The following ADORA2B variants were observed in gnomAD, a reference collection of about 807,000 sequenced individuals.
ADORA2B encodes the protein adenosine receptor A2b.
A neutral mutation model predicts 20.8 loss-of-function variants in ADORA2B; 18 were observed. The ratio of observed to expected loss-of-function variants is 0.87; its 90% CI spans 0.60 to 1.29. ADORA2B has a LOEUF of 1.29. Among genes scored for constraint, ADORA2B ranks in the 50% most tolerant of loss-of-function variants. The pLI is 0.00. For missense variants in ADORA2B, 441 were observed against 422.7 expected, an observed-to-expected ratio of 1.04 and a Z score of -0.38; for synonymous variants, 179 against 178.3, an observed-to-expected ratio of 1.00 and a Z score of -0.03.
At chr17:15,888,858 T>A in the ADORA2B span, among the ~76,000 whole-genome samples, 30 of 46,610 alleles carry the variant, frequency 6.4e-4, no homozygotes, top group South Asian at 2.1e-3. Context: ...ATATTTTTTT[T>A]TTTTTTTTTT....
chr17:15,906,591 A>G, the ADORA2B span, among the ~76,000 whole-genome samples: 1 of 152,292 alleles, frequency 6.6e-6, no homozygotes, highest in Non-Finnish European at 1.5e-5. Flanking sequence ...TAGTTTTGGT[A>G]TTAGGGTAAT....
the ADORA2B span, among the ~76,000 whole-genome samples, chr17:15,871,632 T>G: frequency 6.6e-6 from 1 of 152,086 alleles, no homozygotes; most frequent in African/African-American, 2.4e-5. Context: ...GTCTGGAATG[T>G]GGTATATGCT....
chr17:15,914,382 TTTGTAG>T, the ADORA2B span, among the ~76,000 whole-genome samples: 1 of 152,136 alleles, frequency 6.6e-6, no homozygotes, highest in African/African-American at 2.4e-5. Flanking sequence ...ATTTTTACTT[TTTGTAG>T]AGAGAGGGCT....
chr17:15,884,388 T>C, the ADORA2B span, among the ~76,000 whole-genome samples: 6 of 134,254 alleles, frequency 4.5e-5, no homozygotes, highest in Non-Finnish European at 1.6e-5. Flanking sequence ...AATTTTAAAA[T>C]TTATTAAATT....
chr17:15,951,780 G>C (rs1419449810), intron 1 of ADORA2B, among the ~76,000 whole-genome samples: 1 of 152,240 alleles, frequency 6.6e-6, no homozygotes, highest in African/African-American at 2.4e-5. Context: ...GGGAACTGGA[G>C]GGCAGGGGAG....
the ADORA2B span, among the ~76,000 whole-genome samples, chr17:15,859,053 G>A: frequency 6.6e-6 from 1 of 152,052 alleles, no homozygotes; most frequent in Non-Finnish European, 1.5e-5. Flanking sequence ...TGAACTCCTG[G>A]CCTCAAGCAG....
At chr17:15,878,888 A>G in the ADORA2B span, among the ~76,000 whole-genome samples, 3 of 152,072 alleles carry the variant, frequency 2.0e-5, no homozygotes, top group Admixed American at 1.3e-4. Flanking sequence ...GCATAAATAG[A>G]TTTTCTAGTA....
chr17:15,955,388 CTTTTTTTGT>C (rs903530843), intron 1 of ADORA2B, among the ~76,000 whole-genome samples: 8 of 150,810 alleles, frequency 5.3e-5, no homozygotes, highest in Admixed American at 1.3e-4. Flanking sequence ...CTCTGGGATT[CTTTTTTTGT>C]TTTTTTTGTT....
intron 1 of ADORA2B, among the ~76,000 whole-genome samples, chr17:15,948,097 T>C (rs1367055584): frequency 6.6e-6 from 1 of 151,166 alleles, no homozygotes; most frequent in Admixed American, 6.6e-5. Flanking sequence ...GTGCAGGGAG[T>C]GAGGGCTAAA....
intron 1 of ADORA2B, among the ~76,000 whole-genome samples, chr17:15,965,008 C>T (rs930583864): frequency 2.6e-5 from 4 of 152,192 alleles, no homozygotes; most frequent in South Asian, 2.1e-4. Flanking sequence ...TGCAGTGAGC[C>T]GAGATCGTGC....
chr17:15,971,847 G>A (rs960588288), intron 1 of ADORA2B, among the ~76,000 whole-genome samples: 1 of 152,020 alleles, frequency 6.6e-6, no homozygotes, highest in African/African-American at 2.4e-5. Flanking sequence ...TGGCCAGGCT[G>A]GTCTCAAATG....
At chr17:15,882,062 AT>A in the ADORA2B span, among the ~76,000 whole-genome samples, 1 of 152,202 alleles carries the variant, frequency 6.6e-6, no homozygotes, top group Admixed American at 6.5e-5. Context: ...ATACGGGAAG[AT>A]TAGGTCCTTC....
At chr17:15,949,176 C>A (rs1216314276) in intron 1 of ADORA2B, among the ~76,000 whole-genome samples, 1 of 149,014 alleles carries the variant, frequency 6.7e-6, no homozygotes, top group Non-Finnish European at 1.5e-5. Context: ...CCATTGCACT[C>A]CACCTTGGGC....
At chr17:15,865,679 C>T in the ADORA2B span, among the ~76,000 whole-genome samples, 2 of 151,798 alleles carry the variant, frequency 1.3e-5, no homozygotes, top group African/African-American at 2.4e-5. Context: ...CCATCATAAC[C>T]CCTCACTACT....
chr17:15,914,726 A>G, the ADORA2B span, among the ~76,000 whole-genome samples: 1 of 152,232 alleles, frequency 6.6e-6, no homozygotes, highest in African/African-American at 2.4e-5. Context: ...CTGCAAGCTA[A>G]CTGTTTCATC....
the ADORA2B span, among the ~76,000 whole-genome samples, chr17:15,917,118 G>C: frequency 1.3e-5 from 2 of 152,174 alleles, no homozygotes; most frequent in Admixed American, 1.3e-4. Context: ...GACCAGCCTG[G>C]GCAACAAAAA....
the ADORA2B span, among the ~76,000 whole-genome samples, chr17:15,863,603 C>T: frequency 2.0e-5 from 3 of 152,260 alleles, no homozygotes; most frequent in Middle Eastern, 3.4e-3. Flanking sequence ...ATCCTCCTGC[C>T]TCAGCTTTCC....
the ADORA2B span, among the ~76,000 whole-genome samples, chr17:15,921,961 C>G: frequency 1.3e-5 from 2 of 152,160 alleles, no homozygotes; most frequent in East Asian, 3.8e-4. Context: ...CTACACCTAG[C>G]TTCAAGGAAG....
the ADORA2B span, among the ~76,000 whole-genome samples, chr17:15,859,064 T>C: frequency 1.3e-5 from 2 of 152,140 alleles, no homozygotes; most frequent in Admixed American, 6.5e-5. Flanking sequence ...CCTCAAGCAG[T>C]CCTCTCACCT....
Sources: gnomAD v4.1 joint callset for allele counts (sites outside exome capture counted in the v4.1 genomes callset) on GRCh38, gnomAD v4.1.1 for gene constraint, MANE v1.5 for transcripts, NCBI Gene and HGNC (gene_info 2026-07-23, HGNC 2026-07-21) for gene names.